The following TBP variants were observed in gnomAD, a reference collection of about 807,000 sequenced individuals.
TBP encodes the protein TATA-box-binding protein.
A neutral mutation model predicts 46.2 loss-of-function variants in TBP; 12 were observed. That is an observed-to-expected ratio of 0.26 (90% confidence interval 0.17 to 0.42). The LOEUF is 0.42. TBP is among the 10% of genes least tolerant of loss of function. TBP has a pLI of 1.00. For synonymous variants in TBP, 157 were observed against 148.3 expected, an observed-to-expected ratio of 1.06 and a Z score of -0.42; for missense variants, 229 against 403.1, an observed-to-expected ratio of 0.57 and a Z score of 3.70.
At chr6:170,554,889 G>A (rs1273881762) in intron 1 of TBP, among the ~76,000 whole-genome samples, 1 of 152,306 alleles carries the variant, frequency 6.6e-6, no homozygotes, top group East Asian at 1.9e-4. Flanking sequence ...AGAAGCCTGA[G>A]ACAGCGGGCA....
In TBP at chr6:170,566,818, C is replaced by T. The variant is rs1346635427; in HGVS notation, c.586-100C>T. 4.5e-6 allele frequency: 4 copies of T among 879,302 alleles called. No homozygotes were observed. In the Admixed American group the frequency reaches 6.1e-5, roughly 13 times the overall value. The allele number at this position is 879,302 out of a possible 1,614,324, so 54.5% of individuals were successfully genotyped here. On this transcript the variant is annotated intron_variant, in intron 4 of 7. Transcript: ENST00000392092. ...ATTTTGATAACTAGATGTACTATGTCCTTCCTACCAGTTGTGATTTTTTTG... is the reference window on the plus strand; with the variant it reads ...ATTTTGATAACTAGATGTACTATGTTCTTCCTACCAGTTGTGATTTTTTTG...
intron 2 of TBP, 42 bp from the exon 3 acceptor site, chr6:170,561,749 G>C (rs764101448): frequency 6.3e-7 from 1 of 1,585,456 alleles, no homozygotes; most frequent in African/African-American, 1.3e-5. Flanking sequence ...CAAACACTTA[G>C]CAGCAGCCAG....
At chr6:170,568,366 C>T (rs146460433) in intron 5 of TBP, among the ~76,000 whole-genome samples, 18 of 152,222 alleles carry the variant, frequency 1.2e-4, no homozygotes, top group Admixed American at 1.2e-3. Flanking sequence ...AATTTAAAAG[C>T]GTAGCATATA....
intron 1 of TBP, among the ~76,000 whole-genome samples, chr6:170,555,447 A>G (rs1562357001): frequency 6.6e-6 from 1 of 152,172 alleles, no homozygotes; most frequent in East Asian, 1.9e-4. Flanking sequence ...GAGCCCACCA[A>G]TATGTGCTGT....
At chr6:170,567,905 GA>G (rs1312520622) in intron 5 of TBP, among the ~76,000 whole-genome samples, 2 of 152,246 alleles carry the variant, frequency 1.3e-5, no homozygotes, top group Non-Finnish European at 2.9e-5. Flanking sequence ...GAAAATTAGT[GA>G]CATTAGCTTC....
chr6:170,572,492 C>T lies in TBP; in HGVS notation c.*227C>T, dbSNP rs925617632. The T allele has an allele frequency of 3.4e-5, 19 of 561,828 alleles. No homozygotes were observed. The highest frequency in any genetic ancestry group is 3.2e-4 in the East Asian group (11 of 34,002). The allele number at this position is 561,828 out of a possible 1,614,324, so 34.8% of individuals were successfully genotyped here. On this transcript the variant is annotated 3_prime_UTR_variant, in exon 8 of 8. Transcript: ENST00000392092. The stretch of plus-strand genomic sequence containing the variant: ...CAGCGTGACTGTGAGTTGCTCATAC[C>T]GTGCTGCTATCTGGGCAGCGCTGCC...
chr6:170,556,129 A>C (rs1040411203), intron 1 of TBP, among the ~76,000 whole-genome samples: 2 of 152,208 alleles, frequency 1.3e-5, no homozygotes, highest in African/African-American at 2.4e-5. Flanking sequence ...TCTGTTCTGT[A>C]CCAGCACATG....
At chr6:170,555,624 T>C (rs892975165) in intron 1 of TBP, among the ~76,000 whole-genome samples, 4 of 152,208 alleles carry the variant, frequency 2.6e-5, no homozygotes, top group Non-Finnish European at 5.9e-5. Context: ...CCCTGCTTTG[T>C]GAAAACACTG....
rs1219713154 is a variant in TBP at position 170,572,630 on chromosome 6, T to G, written c.*365T>G. On this transcript the variant is annotated 3_prime_UTR_variant, in exon 8 of 8. Coordinates refer to ENST00000392092, the MANE Select transcript of TBP (RefSeq NM_003194.5). Reference sequence around the variant, plus strand: ...TGATTGGACTTTTTAATTTTAATGTTTTTCCCCATGAACCACAGTTTTTAT... The same window carrying G: ...TGATTGGACTTTTTAATTTTAATGTGTTTCCCCATGAACCACAGTTTTTAT... 5.1e-6 allele frequency: 1 copy of G among 197,624 alleles called. No homozygotes were observed. The highest frequency in any genetic ancestry group is 1.0e-5 in the Non-Finnish European group (1 of 98,664). The allele number at this position is 197,624 out of a possible 1,614,324, so 12.2% of individuals were successfully genotyped here.
chr6:170,559,273 A>C (rs1042212081), intron 2 of TBP, among the ~76,000 whole-genome samples: 6 of 152,132 alleles, frequency 3.9e-5, no homozygotes, highest in African/African-American at 1.4e-4. Context: ...AAAAGCTATA[A>C]ATGATTATAC....
rs796958781 is a variant in TBP, at chr6:170,571,592, C to T, written c.940+88C>T. 4.4e-5 allele frequency: 45 copies of T among 1,020,320 alleles called. No individual in the cohort carries two copies. In the Admixed American group the frequency reaches 6.4e-4, roughly 15 times the overall value. 63.2% of individuals were successfully genotyped at this position (1,020,320 alleles called of 1,614,324 possible). On this transcript the variant is annotated intron_variant, in intron 7 of 7. Coordinates refer to ENST00000392092, the MANE Select transcript of TBP (RefSeq NM_003194.5). The stretch of plus-strand genomic sequence containing the variant: ...AGTGCTGAAAAGAAATTTCAGTGTT[C>T]GGACAGTGGGCTAGCTTCTTGTACA...
Position 170,572,259 on chromosome 6 carries a change from G to A in TBP, c.1014G>A (p.Thr338=), listed in dbSNP as rs756986278. 9 of 1,612,516 alleles carry A rather than the reference G, an allele frequency of 5.6e-6. No individual in the cohort carries two copies. Among genetic ancestry groups the A allele is most frequent in the Non-Finnish European group, 7.6e-6 (9 of 1,179,252 alleles). Residue 338 remains threonine, a synonymous_variant, in exon 8 of 8, where the codon ACG becomes ACA. Transcript: ENST00000392092. The part of the protein sequence containing the change: ...IYPILKGFRK[T]T ...CTATTCTAAAGGGATTCAGGAAGAC[G>A]ACGTAATGGCTCTCATGTACCCTTG... is the stretch of plus-strand genomic sequence containing the variant.
chr6:170,568,655 G>A (rs9366247), intron 5 of TBP, among the ~76,000 whole-genome samples: 86,634 of 150,648 alleles, frequency 0.58, 25,775 homozygotes, highest in East Asian at 0.78. Context: ...GGGTTTCACT[G>A]TGTTAGCCAG....
chr6:170,568,342 A>G (rs1779303381), intron 5 of TBP, among the ~76,000 whole-genome samples: 1 of 152,174 alleles, frequency 6.6e-6, no homozygotes, highest in African/African-American at 2.4e-5. Context: ...GAAACCACCA[A>G]TACATTTACC....
In TBP at chr6:170,569,783, A is replaced by C. The variant is rs1436042406; in HGVS notation, c.845+4A>C. 1.2e-6 allele frequency: 2 copies of C among 1,611,062 alleles called. No individual in the cohort carries two copies. Among genetic ancestry groups the C allele is most frequent in the Admixed American group, 3.4e-5 (2 of 59,468 alleles). ...TCACCCACCAACAATTTAGTAGGTA[A>C]GTCTGAAATGTATTATGATTGTTAT... On this transcript the variant is annotated splice_donor_region_variant and intron_variant, in intron 6 of 7. Coordinates refer to ENST00000392092, the MANE Select transcript of TBP (RefSeq NM_003194.5).
At chr6:170,565,176 A>C (rs1262611187) in intron 4 of TBP, among the ~76,000 whole-genome samples, 2 of 152,212 alleles carry the variant, frequency 1.3e-5, no homozygotes, top group Non-Finnish European at 2.9e-5. Context: ...TCTGTATATC[A>C]AAGAGTTTGT....
chr6:170,572,181 C>G lies in TBP; in HGVS notation c.941-5C>G. The G allele has an allele frequency of 6.2e-7, 1 of 1,612,530 alleles. No individual in the cohort carries two copies. The highest frequency in any genetic ancestry group is 1.6e-4 in the Middle Eastern group (1 of 6,062). The stretch of plus-strand genomic sequence containing the variant: ...TCTCATCTCTACTCCAACTTGTCTT[C>G]TTAGGTGCTAAAGTCAGAGCAGAAA... On this transcript the variant is annotated splice_region_variant and splice_polypyrimidine_tract_variant and intron_variant, in intron 7 of 7. Transcript: ENST00000392092.
Position 170,555,184 on chromosome 6 carries a change from T to TA in TBP, c.-149+722dup, listed in dbSNP as rs1478962621. ...CACTGTGCGGTTTCTTCTGTAGACT[T>TA]ACTTGCAAAAAGTGGCCTGAAGCCA... On this transcript the variant is annotated intron_variant, in intron 1 of 7. Coordinates refer to ENST00000392092, the MANE Select transcript of TBP (RefSeq NM_003194.5). Among the ~76,000 whole-genome samples the TA allele has an allele frequency of 6.6e-5, 10 of 152,354 alleles. No homozygotes were observed. The East Asian group carries it at 1.7e-3, about 26-fold the overall frequency.
intron 7 of TBP, 21 bp from the exon 8 acceptor site, chr6:170,572,165 T>C: frequency 6.3e-7 from 1 of 1,595,094 alleles, no homozygotes; most frequent in Non-Finnish European, 8.6e-7. Flanking sequence ...CTCTCATCTC[T>C]ACTCCAACTT....
Sources: allele counts gnomAD v4.1 joint callset (sites outside exome capture counted in the v4.1 genomes callset), GRCh38; gene constraint gnomAD v4.1.1; transcripts MANE v1.5; gene names NCBI Gene and HGNC (gene_info 2026-07-23, HGNC 2026-07-21).